The following SEMA6D variants were observed in gnomAD, a reference collection of about 807,000 sequenced individuals.
The protein encoded by SEMA6D is semaphorin 6D.
In SEMA6D, 35 loss-of-function variants were observed where a neutral mutation model predicts 106.6. That is an observed-to-expected ratio of 0.33 (90% CI 0.25 to 0.44). The LOEUF is 0.44. SEMA6D is among the 20% of genes least tolerant of loss of function. SEMA6D has a pLI of 1.00. For synonymous variants in SEMA6D, 499 were observed against 487.7 expected (o/e 1.02, Z -0.31); for missense variants, 1,185 against 1,345.9 (o/e 0.88, Z 1.87).
At chr15:47,285,410 G>A (rs1566973218) in intron 1 of SEMA6D, among the ~76,000 whole-genome samples, 2 of 151,986 alleles carry the variant, frequency 1.3e-5, no homozygotes, top group East Asian at 3.9e-4. Flanking sequence ...TTACTTTATT[G>A]GAGAGGAGTT....
At chr15:47,521,539 T>G (rs1430416098) in intron 3 of SEMA6D, among the ~76,000 whole-genome samples, 1 of 152,204 alleles carries the variant, frequency 6.6e-6, no homozygotes, top group Non-Finnish European at 1.5e-5. Context: ...GGATGACTCC[T>G]ACCATGGTCA....
At chr15:47,687,401 T>C (rs913097744) in intron 4 of SEMA6D, among the ~76,000 whole-genome samples, 8 of 152,164 alleles carry the variant, frequency 5.3e-5, no homozygotes, top group African/African-American at 1.9e-4. Context: ...CTAACTTATC[T>C]GGGTGATGTC....
intron 1 of SEMA6D, among the ~76,000 whole-genome samples, chr15:47,364,150 G>A (rs2038919647): frequency 6.6e-6 from 1 of 152,186 alleles, no homozygotes; most frequent in African/African-American, 2.4e-5. Context: ...GTTCAGCTGA[G>A]CCAGGCAAGA....
chr15:47,331,648 C>A (rs1302599354), intron 1 of SEMA6D, among the ~76,000 whole-genome samples: 1 of 152,100 alleles, frequency 6.6e-6, no homozygotes, highest in Non-Finnish European at 1.5e-5. Flanking sequence ...ATAACAGTAT[C>A]TTTGGATGGT....
chr15:47,524,404 G>A (rs963966592), intron 3 of SEMA6D, among the ~76,000 whole-genome samples: 1 of 152,122 alleles, frequency 6.6e-6, no homozygotes. Context: ...GCTGCTGATT[G>A]AAACTTACTC....
chr15:47,601,850 G>T (rs1214552624), intron 4 of SEMA6D, among the ~76,000 whole-genome samples: 1 of 152,202 alleles, frequency 6.6e-6, no homozygotes, highest in East Asian at 1.9e-4. Flanking sequence ...GTTATCTCCT[G>T]TTACTTACTA....
chr15:47,638,627 CTA>C (rs2077433491), intron 4 of SEMA6D, among the ~76,000 whole-genome samples: 1 of 152,178 alleles, frequency 6.6e-6, no homozygotes, highest in African/African-American at 2.4e-5. Context: ...TTTCAATGTA[CTA>C]TTTCAAATGT....
chr15:47,704,935 C>G (rs1165605386), intron 4 of SEMA6D, among the ~76,000 whole-genome samples: 1 of 152,088 alleles, frequency 6.6e-6, no homozygotes, highest in Non-Finnish European at 1.5e-5. Context: ...GAGCTATAAT[C>G]AAGTTGTACT....
At chr15:47,189,374 G>A (rs1893801484) in intron 1 of SEMA6D, among the ~76,000 whole-genome samples, 2 of 152,058 alleles carry the variant, frequency 1.3e-5, no homozygotes, top group African/African-American at 4.8e-5. Context: ...GCACCCACAG[G>A]TTGTTTCTCT....
chr15:47,208,109 T>A (rs1290836133), intron 1 of SEMA6D, among the ~76,000 whole-genome samples: 5 of 151,840 alleles, frequency 3.3e-5, no homozygotes, highest in Non-Finnish European at 5.9e-5. Flanking sequence ...TTAAATCCTG[T>A]CTCTGCCACT....
At chr15:47,517,607 C>T (rs1357057933) in intron 3 of SEMA6D, among the ~76,000 whole-genome samples, 6 of 152,014 alleles carry the variant, frequency 3.9e-5, no homozygotes, top group South Asian at 2.1e-4. Context: ...TTATTTGTTT[C>T]GTCTTTCTTC....
intron 1 of SEMA6D, among the ~76,000 whole-genome samples, chr15:47,295,528 A>C (rs2035769627): frequency 6.6e-6 from 1 of 152,220 alleles, no homozygotes. Flanking sequence ...TACTCTCCTA[A>C]AGAGATAGCA....
intron 3 of SEMA6D, among the ~76,000 whole-genome samples, chr15:47,518,174 G>A (rs894364143): frequency 6.6e-6 from 1 of 152,128 alleles, no homozygotes; most frequent in Admixed American, 6.5e-5. Context: ...CTGTGATTTA[G>A]AGCACAGAAT....
intron 4 of SEMA6D, among the ~76,000 whole-genome samples, chr15:47,699,172 T>C (rs2078759893): frequency 6.6e-6 from 1 of 152,200 alleles, no homozygotes; most frequent in Non-Finnish European, 1.5e-5. Flanking sequence ...TTTATTTTAC[T>C]TCTCCTTTTA....
rs1555445502 is a variant in SEMA6D, at chr15:47,471,931, T to TCTCTCTCACA, written c.-87+1387_-87+1388insTCTCTCACAC. Among the ~76,000 whole-genome samples the TCTCTCTCACA allele has an allele frequency of 1.6e-4, 20 of 121,504 alleles. No homozygotes were observed. The East Asian group carries it at 1.7e-3, about 11-fold the overall frequency. The allele number at this position is 121,504 out of a possible 152,430, so 79.7% of individuals were successfully genotyped here. ...CTCTCTCTCTCTCTCTCTCTCTCTCTCACACACACACACACACACACACAC... is the reference window on the plus strand; with the variant it reads ...CTCTCTCTCTCTCTCTCTCTCTCTCTCTCTCTCACACACACACACACACACACACACACAC... On this transcript the variant is annotated intron_variant, in intron 3 of 19. Transcript: ENST00000558014.
At chr15:47,349,337 T>G (rs2144746050) in intron 1 of SEMA6D, among the ~76,000 whole-genome samples, 1 of 152,308 alleles carries the variant, frequency 6.6e-6, no homozygotes, top group South Asian at 2.1e-4. Flanking sequence ...GGATAACATC[T>G]CTGTGAGGCA....
intron 1 of SEMA6D, among the ~76,000 whole-genome samples, chr15:47,234,492 C>T (rs76366941): frequency 1.1e-3 from 166 of 151,932 alleles, no homozygotes; most frequent in African/African-American, 3.9e-3. Flanking sequence ...TTCCTCAGTC[C>T]TCTTTCACCC....
At chr15:47,207,549 G>T (rs1895156185) in intron 1 of SEMA6D, among the ~76,000 whole-genome samples, 1 of 152,126 alleles carries the variant, frequency 6.6e-6, no homozygotes, top group Admixed American at 6.5e-5. Flanking sequence ...AGCCATCATG[G>T]GAGGTCCAAG....
At chr15:47,638,260 A>G (rs982560938) in intron 4 of SEMA6D, among the ~76,000 whole-genome samples, 9 of 152,132 alleles carry the variant, frequency 5.9e-5, no homozygotes, top group African/African-American at 2.2e-4. Context: ...GAAACTGATC[A>G]ACCTCTCTGT....
Sources: allele counts gnomAD v4.1 joint callset (sites outside exome capture counted in the v4.1 genomes callset), GRCh38; gene constraint gnomAD v4.1.1; transcripts MANE v1.5; gene names NCBI Gene and HGNC (gene_info 2026-07-23, HGNC 2026-07-21).